The following OR51B5 variants were observed in gnomAD, a reference collection of about 807,000 sequenced individuals.
OR51B5 encodes olfactory receptor 51B5.
For synonymous variants in OR51B5, 186 were observed against 144.8 expected (o/e 1.28, Z -2.04); for missense variants, 456 against 374.6 (o/e 1.22, Z -1.79).
At chr11:5,359,067 C>T (rs1386372728) in intron 1 of OR51B5, among the ~76,000 whole-genome samples, 1 of 152,104 alleles carries the variant, frequency 6.6e-6, no homozygotes, top group Non-Finnish European at 1.5e-5. Flanking sequence ...GGAAGCATTC[C>T]CTTTGAAAAC....
At chr11:5,449,646 CAAA>C (rs1189282162) in intron 1 of OR51B5, among the ~76,000 whole-genome samples, 1 of 152,124 alleles carries the variant, frequency 6.6e-6, no homozygotes, top group Non-Finnish European at 1.5e-5. Flanking sequence ...TTTCAAAGGT[CAAA>C]GTTTCTGTGG....
rs137878267 is a variant in OR51B5 at position 5,440,808 on chromosome 11, C to T, written n.84+64761G>A. 1.1e-4 allele frequency: 185 copies of T among 1,613,810 alleles called. 1 individual carries two copies. The East Asian group carries it at 3.4e-3, about 30-fold the overall frequency. On this transcript the variant is annotated intron_variant and non_coding_transcript_variant, in intron 1 of 4. Transcript: ENST00000415970. ...CATGCAGGTGTTGAGTGCCTTGAGC[C>T]GCTGTTCCTGGGATATGATGACCAG...
chr11:5,401,889 T>TC (rs397966669), intron 1 of OR51B5, among the ~76,000 whole-genome samples: 4 of 145,662 alleles, frequency 2.7e-5, no homozygotes, highest in East Asian at 2.0e-4. Flanking sequence ...TTTCTCTCTC[T>TC]TCCTTCCTTC....
intron 1 of OR51B5, chr11:5,422,606 T>G: frequency 1.2e-6 from 2 of 1,614,126 alleles, no homozygotes; most frequent in South Asian, 2.2e-5. Context: ...CCATTATGCC[T>G]CCATCCTCAC....
At chr11:5,477,560 A>G (rs1851330405) in intron 1 of OR51B5, among the ~76,000 whole-genome samples, 1 of 152,206 alleles carries the variant, frequency 6.6e-6, no homozygotes, top group African/African-American at 2.4e-5. Context: ...AGCATGAGCA[A>G]CGCAGAAGAC....
At chr11:5,414,994 A>G (rs1018817715) in intron 1 of OR51B5, among the ~76,000 whole-genome samples, 8 of 152,124 alleles carry the variant, frequency 5.3e-5, no homozygotes, top group African/African-American at 1.9e-4. Context: ...ACCACACCAC[A>G]CCTATTCCAA....
chr11:5,485,054 G>C (rs1851480162), intron 1 of OR51B5, among the ~76,000 whole-genome samples: 1 of 152,128 alleles, frequency 6.6e-6, no homozygotes, highest in Non-Finnish European at 1.5e-5. Context: ...AACCTGCAAA[G>C]AATATGGTAC....
chr11:5,344,170 G>C (rs893802451), upstream of OR51B5, among the ~76,000 whole-genome samples: 3 of 152,264 alleles, frequency 2.0e-5, no homozygotes, highest in East Asian at 5.8e-4. Context: ...TTACCCTCTT[G>C]TAGAATCCTT....
At chr11:5,419,321 A>C (rs558864568) in intron 1 of OR51B5, among the ~76,000 whole-genome samples, 6 of 152,336 alleles carry the variant, frequency 3.9e-5, no homozygotes, top group African/African-American at 1.4e-4. Context: ...AGAGAAAAGA[A>C]GTGCTTTTAA....
intron 1 of OR51B5, chr11:5,441,000 T>C: frequency 1.2e-6 from 2 of 1,613,990 alleles, no homozygotes; most frequent in Non-Finnish European, 1.7e-6. Flanking sequence ...AACATTGCCT[T>C]TGCAGAAGGG....
At chr11:5,455,943 T>C (rs1009352401) in intron 1 of OR51B5, 1 of 152,208 alleles carries the variant, frequency 6.6e-6, no homozygotes, top group Non-Finnish European at 1.5e-5. Flanking sequence ...GGAAAATTAT[T>C]AGAATATTTA....
intron 1 of OR51B5, chr11:5,351,827 T>A: frequency 6.2e-7 from 1 of 1,614,086 alleles, no homozygotes; most frequent in Admixed American, 1.7e-5. Flanking sequence ...ACTCTTTCTG[T>A]CATGGAGTCA....
intron 1 of OR51B5, among the ~76,000 whole-genome samples, chr11:5,446,054 A>G (rs546933831): frequency 7.9e-5 from 12 of 152,170 alleles, no homozygotes; most frequent in African/African-American, 2.9e-4. Flanking sequence ...GAATTGAACA[A>G]TGAGAACATT....
chr11:5,349,505 G>T lies in OR51B5; in HGVS notation n.85-2595C>A, dbSNP rs75004223. Among the ~76,000 whole-genome samples the T allele has an allele frequency of 3.0e-4, 46 of 150,986 alleles. 1 individual carries two copies. In the East Asian group the frequency reaches 8.9e-3, roughly 29 times the overall value. The stretch of plus-strand genomic sequence containing the variant: ...ATCTTTTCCCTCCCAGCTTTATTTA[G>T]GTATATTTAAAATTTGCTAAGAAAG... On this transcript the variant is annotated intron_variant and non_coding_transcript_variant, in intron 1 of 4. Coordinates refer to the OR51B5 transcript ENST00000415970.
At chr11:5,355,401 T>G (rs1405766808) in intron 1 of OR51B5, 1 of 155,230 alleles carries the variant, frequency 6.4e-6, no homozygotes, top group Non-Finnish European at 1.4e-5. Flanking sequence ...ACCAGTATGC[T>G]GACAAGGCCT....
At chr11:5,352,426 C>G in intron 1 of OR51B5, 1 of 1,596,626 alleles carries the variant, frequency 6.3e-7, no homozygotes, top group Non-Finnish European at 8.5e-7. Context: ...TTTATTCTCT[C>G]TGCCTCACTC....
At chr11:5,343,569 C>G (rs762605406), upstream of OR51B5, 1 of 664,660 alleles carries the variant, frequency 1.5e-6, no homozygotes, top group Non-Finnish European at 2.7e-6. Context: ...CTGTTATTAC[C>G]ACAGTGCACA....
intron 1 of OR51B5, among the ~76,000 whole-genome samples, chr11:5,406,859 A>C (rs1850064893): frequency 6.6e-6 from 1 of 152,096 alleles, no homozygotes. Context: ...TGAGTAAATA[A>C]GAAGAGCTTA....
chr11:5,440,926 T>A (rs763041371), intron 1 of OR51B5: 1 of 1,613,862 alleles, frequency 6.2e-7, no homozygotes, highest in Admixed American at 1.7e-5. Context: ...TAAATGTTGT[T>A]AACATGGATG....
Sources: gnomAD v4.1 joint callset for allele counts (sites outside exome capture counted in the v4.1 genomes callset) on GRCh38, gnomAD v4.1.1 for gene constraint, MANE v1.5 for transcripts, NCBI Gene and HGNC (gene_info 2026-07-23, HGNC 2026-07-21) for gene names.